Variants in UPK1B observed in about 807,000 individuals in gnomAD.
UPK1B encodes uroplakin-1b.
In UPK1B, 28 loss-of-function variants were observed where a neutral mutation model predicts 34.2. The ratio of observed to expected loss-of-function variants is 0.82; its 90% CI spans 0.61 to 1.12. UPK1B has a LOEUF of 1.12. Among genes scored for constraint, UPK1B ranks in the 50% most tolerant of loss-of-function variants. The pLI, the probability that UPK1B is intolerant of heterozygous loss-of-function variation, is 0.00. For missense variants in UPK1B, 325 were observed against 320.9 expected (o/e 1.01, Z -0.10); for synonymous variants, 81 against 110.4 (o/e 0.73, Z 1.67).
intron 5 of UPK1B, 65 bp from the exon 6 acceptor site, chr3:119,194,154 T>C: frequency 6.9e-7 from 1 of 1,440,018 alleles, no homozygotes; most frequent in Non-Finnish European, 9.3e-7. Flanking sequence ...AAAATTTCAG[T>C]TGCTACATTG....
At chr3:119,190,431 C>A (rs1341173325) in intron 4 of UPK1B, 112 bp downstream of exon 4, 3 of 666,000 alleles carry the variant, frequency 4.5e-6, no homozygotes, top group African/African-American at 3.6e-5. Flanking sequence ...AGTAATAATA[C>A]ATCTATCATT....
intron 4 of UPK1B, 117 bp downstream of exon 4, chr3:119,190,436 A>C: frequency 1.6e-6 from 1 of 644,002 alleles, no homozygotes; most frequent in East Asian, 2.7e-5. Context: ...TAATACATCT[A>C]TCATTTTACT....
chr3:119,203,807 A>C (rs12186112), intron 7 of UPK1B, 110 bp from the exon 8 acceptor site: 438,230 of 1,134,662 alleles, frequency 0.39, 89,772 homozygotes, highest in Non-Finnish European at 0.41. Flanking sequence ...AACAAACAAA[A>C]AAATCTGTTG....
At position 119,187,851 on chromosome 3, in the gene UPK1B, C is replaced by G. The variant is rs988396321; in HGVS notation, c.146C>G (p.Ala49Gly). ...CACAGCCTCTACCCACTGCTTGAAG[C>G]CACCGACAACGATGACATCTATGGG... is the stretch of plus-strand genomic sequence containing the variant. ...DQHSLYPLLE[A>G]TDNDDIYGAA... The change falls in exon 3 of 8, where the codon GCC becomes GGC. Residue 49 changes from alanine (A) to glycine (G), a missense_variant. Coordinates refer to ENST00000264234, the MANE Select transcript of UPK1B (RefSeq NM_006952.4). The G allele has an allele frequency of 1.2e-6, 2 of 1,613,980 alleles. No homozygotes were observed. The highest frequency in any genetic ancestry group is 2.7e-5 in the African/African-American group (2 of 74,894).
intron 1 of UPK1B, among the ~76,000 whole-genome samples, chr3:119,179,388 TATATATATATTA>T (rs1410715355): frequency 1.8e-4 from 17 of 93,304 alleles, no homozygotes; most frequent in Non-Finnish European, 2.6e-4. Context: ...TATATATATA[TATATATATATTA>T]ATTCTAAGGA....
intron 6 of UPK1B, 107 bp downstream of exon 6, chr3:119,194,505 C>A: frequency 2.7e-6 from 3 of 1,120,310 alleles, no homozygotes; most frequent in Non-Finnish European, 3.7e-6. Flanking sequence ...ATTCTACATT[C>A]TTTTCCCTAA....
At chr3:119,187,301 C>T (rs1248805636) in intron 2 of UPK1B, among the ~76,000 whole-genome samples, 2 of 152,130 alleles carry the variant, frequency 1.3e-5, no homozygotes, top group South Asian at 2.1e-4. Context: ...CCCAGCTCTC[C>T]CTCTGACTCC....
In UPK1B at chr3:119,179,398, T is replaced by TATATATATATATA. The variant is rs71156734; in HGVS notation, c.-29+5760_-29+5761insATATATATATATA. Among the ~76,000 whole-genome samples the TATATATATATATA allele has an allele frequency of 2.7e-3, 161 of 58,794 alleles. 5 individuals are homozygous for TATATATATATATA. Among genetic ancestry groups the TATATATATATATA allele is most frequent in the Non-Finnish European group, 3.6e-3 (108 of 30,296 alleles). The allele number at this position is 58,794 out of a possible 152,430, so 38.6% of individuals were successfully genotyped here. ...ATATATATATATATATATATATATA[T>TATATATATATATA]TAATTCTAAGGAATTAACCTATGTG... is the stretch of plus-strand genomic sequence containing the variant. On this transcript the variant is annotated intron_variant, in intron 1 of 7. Coordinates refer to ENST00000264234, the MANE Select transcript of UPK1B (RefSeq NM_006952.4).
intron 1 of UPK1B, among the ~76,000 whole-genome samples, chr3:119,184,814 G>A (rs534399799): frequency 1.9e-4 from 29 of 152,224 alleles, no homozygotes; most frequent in Admixed American, 3.9e-4. Context: ...AGTTGATATC[G>A]GTGCTGAATT....
intron 3 of UPK1B, among the ~76,000 whole-genome samples, chr3:119,189,934 ATG>A (rs1323121527): frequency 1.3e-5 from 2 of 151,876 alleles, no homozygotes; most frequent in Non-Finnish European, 2.9e-5. Context: ...AAATGCTCAC[ATG>A]TGTGTGTGCA....
chr3:119,174,153 G>A (rs952191756), intron 1 of UPK1B, among the ~76,000 whole-genome samples: 3 of 152,216 alleles, frequency 2.0e-5, no homozygotes, highest in Non-Finnish European at 4.4e-5. Context: ...AACCTGTAAT[G>A]AAATGTGTGA....
chr3:119,181,294 A>C (rs957193775), intron 1 of UPK1B, among the ~76,000 whole-genome samples: 2 of 152,100 alleles, frequency 1.3e-5, no homozygotes, highest in African/African-American at 4.8e-5. Flanking sequence ...ATTTCCTTTG[A>C]AAATGTTGCT....
chr3:119,203,333 T>C (rs1576874048), intron 7 of UPK1B, among the ~76,000 whole-genome samples: 2 of 70,878 alleles, frequency 2.8e-5, no homozygotes, highest in Non-Finnish European at 4.6e-5. Context: ...AGAGCGAAAC[T>C]CCGTCTCAAA....
intron 6 of UPK1B, among the ~76,000 whole-genome samples, chr3:119,194,849 G>A (rs2078059130): frequency 6.6e-6 from 1 of 152,206 alleles, no homozygotes; most frequent in Non-Finnish European, 1.5e-5. Context: ...GGTAAAGTAG[G>A]ACAGTCTTAA....
chr3:119,185,999 G>A (rs976280416), intron 1 of UPK1B, among the ~76,000 whole-genome samples: 23 of 152,188 alleles, frequency 1.5e-4, no homozygotes, highest in Non-Finnish European at 4.4e-5. Flanking sequence ...CTTACTGGTT[G>A]TGTGACCCCA....
At chr3:119,185,870 A>C (rs1158554799) in intron 1 of UPK1B, among the ~76,000 whole-genome samples, 2 of 152,176 alleles carry the variant, frequency 1.3e-5, no homozygotes, top group Non-Finnish European at 2.9e-5. Context: ...TGAGAGACCC[A>C]TGTTCAGCTG....
chr3:119,182,823 C>T (rs1360757877), intron 1 of UPK1B, among the ~76,000 whole-genome samples: 1 of 152,220 alleles, frequency 6.6e-6, no homozygotes, highest in Admixed American at 6.5e-5. Context: ...AAATGCTAAC[C>T]TCTCATTGAC....
At chr3:119,187,468 A>G (rs1280527347) in intron 2 of UPK1B, among the ~76,000 whole-genome samples, 1 of 152,230 alleles carries the variant, frequency 6.6e-6, no homozygotes, top group African/African-American at 2.4e-5. Context: ...GGGTCATGAC[A>G]TGGGGGCAGG....
At chr3:119,181,143 G>T (rs1284834494) in intron 1 of UPK1B, among the ~76,000 whole-genome samples, 2 of 151,998 alleles carry the variant, frequency 1.3e-5, no homozygotes, top group East Asian at 3.9e-4. Flanking sequence ...TCGTTCTGGG[G>T]CTAGCTATGT....
Sources: allele counts gnomAD v4.1 joint callset (sites outside exome capture counted in the v4.1 genomes callset), GRCh38; gene constraint gnomAD v4.1.1; transcripts MANE v1.5; gene names NCBI Gene and HGNC (gene_info 2026-07-23, HGNC 2026-07-21).